The following ZEB2 variants were observed in gnomAD, a reference collection of about 807,000 sequenced individuals.
ZEB2 encodes zinc finger E-box binding homeobox 2, also known as zinc finger E-box-binding homeobox 2.
Under a neutral mutation model 99.9 loss-of-function variants are expected in ZEB2, and 6 were observed. The observed-to-expected ratio is 0.06, with a 90% CI of 0.03 to 0.12. The LOEUF (loss-of-function observed/expected upper bound fraction) is 0.12. ZEB2 is among the 10% of genes least tolerant of loss of function. The pLI is 1.00. For synonymous variants in ZEB2, 517 were observed against 542.5 expected, an observed-to-expected ratio of 0.95 and a Z score of 0.65; for missense variants, 969 against 1,502.8, an observed-to-expected ratio of 0.64 and a Z score of 5.87.
chr2:144,387,645 G>T lies in ZEB2; in HGVS notation c.*1806C>A, dbSNP rs1703103084. The T allele has an allele frequency of 6.6e-6, 1 of 152,138 alleles. No homozygotes were observed. Among genetic ancestry groups the T allele is most frequent in the Non-Finnish European group, 1.5e-5 (1 of 67,994 alleles). 9.4% of individuals were successfully genotyped at this position (152,138 alleles called of 1,614,324 possible). The stretch of plus-strand genomic sequence containing the variant: ...AACACTGAATAATAGCTGTCTTTTT[G>T]AAATTAGACTTTTTTTTGAATAAAT... On this transcript the variant is annotated 3_prime_UTR_variant, in exon 10 of 10. Coordinates refer to ENST00000627532, the MANE Select transcript of ZEB2 (RefSeq NM_014795.4).
intron 4 of ZEB2, among the ~76,000 whole-genome samples, chr2:144,406,126 T>C (rs1703383232): frequency 6.6e-6 from 1 of 152,214 alleles, no homozygotes; most frequent in South Asian, 2.1e-4. Flanking sequence ...CTAATTCTCT[T>C]TGGCAACTGT....
At chr2:144,467,280 C>T (rs779411602) in intron 2 of ZEB2, among the ~76,000 whole-genome samples, 1 of 151,998 alleles carries the variant, frequency 6.6e-6, no homozygotes, top group Admixed American at 6.6e-5. Flanking sequence ...TAAATTTTGC[C>T]TTTAAAACCC....
chr2:144,430,414 T>A, intron 2 of ZEB2: 4 of 275,752 alleles, frequency 1.5e-5, no homozygotes, highest in Non-Finnish European at 3.0e-5. Context: ...GTATTTACTA[T>A]ATAATGTTGT....
At chr2:144,400,402 A>G (rs1343842677) in intron 7 of ZEB2, 132 bp from the exon 8 acceptor site, 5 of 984,528 alleles carry the variant, frequency 5.1e-6, no homozygotes, top group African/African-American at 1.6e-5. Context: ...AGGTACTTAG[A>G]TTAGAATTAT....
Position 144,511,574 on chromosome 2 carries a change from G to C in ZEB2, c.73+5704C>G, listed in dbSNP as rs1434928694. ...AAACTGCTTGATGAAGAAATACTTG[G>C]ATCTTACTTTTTAAAAGTTTACCCT... On this transcript the variant is annotated intron_variant, in intron 2 of 9. Transcript: ENST00000627532. 8 of 1,279,772 alleles carry C rather than the reference G, an allele frequency of 6.3e-6. No homozygotes were observed. In the East Asian group the frequency reaches 3.9e-4, roughly 62 times the overall value. The allele number at this position is 1,279,772 out of a possible 1,614,324, so 79.3% of individuals were successfully genotyped here.
intron 2 of ZEB2, among the ~76,000 whole-genome samples, chr2:144,446,458 T>G (rs1486608256): frequency 6.6e-6 from 1 of 151,844 alleles, no homozygotes; most frequent in Non-Finnish European, 1.5e-5. Flanking sequence ...AGTGAGCAAT[T>G]AAGTCACGTA....
At chr2:144,483,148 A>ACACACACACACG (rs1704540683) in intron 2 of ZEB2, among the ~76,000 whole-genome samples, 2 of 144,006 alleles carry the variant, frequency 1.4e-5, no homozygotes, top group African/African-American at 5.1e-5. Context: ...ACACACACAC[A>ACACACACACACG]CACACACACA....
intron 2 of ZEB2, chr2:144,430,721 A>C (rs1432913578): frequency 6.3e-6 from 1 of 158,988 alleles, no homozygotes. Flanking sequence ...AGGCAAGACC[A>C]ACACAAATGT....
Position 144,422,859 on chromosome 2 carries a change from C to A in ZEB2, c.403+1937G>T, listed in dbSNP as rs543335888. On this transcript the variant is annotated intron_variant, in intron 4 of 9. Transcript: ENST00000627532. Reference sequence around the variant, plus strand: ...AAAAACTAAATAATTATGGCTCCTACCATTTGTTGCAGGTTTATCACATAT... The same window carrying A: ...AAAAACTAAATAATTATGGCTCCTAACATTTGTTGCAGGTTTATCACATAT... Among the ~76,000 whole-genome samples, 4 of 152,198 alleles carry A rather than the reference C, an allele frequency of 2.6e-5. No homozygotes were observed. The South Asian group carries it at 6.2e-4, about 24-fold the overall frequency.
chr2:144,481,309 T>C (rs1704507818), intron 2 of ZEB2, among the ~76,000 whole-genome samples: 1 of 152,210 alleles, frequency 6.6e-6, no homozygotes, highest in Non-Finnish European at 1.5e-5. Context: ...GAGGGCTGCA[T>C]GCTGTATGTG....
intron 4 of ZEB2, among the ~76,000 whole-genome samples, chr2:144,413,771 T>C (rs1429921449): frequency 2.0e-5 from 3 of 152,204 alleles, no homozygotes; most frequent in Non-Finnish European, 4.4e-5. Context: ...TTGATTAACA[T>C]TATATATCCA....
rs996979387 is a variant in ZEB2 at position 144,401,186 on chromosome 2, C to T, written c.916+13G>A. ...AAAATGCAAATGCGAGCTCCAGCAC[C>T]TCTGCTACTCACCACTGTGAATTCG... On this transcript the variant is annotated intron_variant, in intron 7 of 9. Transcript: ENST00000627532. 1.2e-6 allele frequency: 2 copies of T among 1,611,312 alleles called. No individual in the cohort carries two copies. Among genetic ancestry groups the T allele is most frequent in the Non-Finnish European group, 1.7e-6 (2 of 1,177,412 alleles).
intron 2 of ZEB2, among the ~76,000 whole-genome samples, chr2:144,469,969 C>T (rs1704332908): frequency 6.6e-6 from 1 of 152,160 alleles, no homozygotes; most frequent in African/African-American, 2.4e-5. Context: ...GCATCAGATA[C>T]AGAGACCAAA....
intron 4 of ZEB2, among the ~76,000 whole-genome samples, chr2:144,407,314 A>G (rs1450338413): frequency 6.6e-6 from 1 of 152,222 alleles, no homozygotes; most frequent in African/African-American, 2.4e-5. Flanking sequence ...AAGATTTTAT[A>G]CCTTGAAATT....
chr2:144,464,981 A>G (rs1403267793), intron 2 of ZEB2, among the ~76,000 whole-genome samples: 1 of 152,178 alleles, frequency 6.6e-6, no homozygotes, highest in Non-Finnish European at 1.5e-5. Context: ...ATGTACAGAA[A>G]TTGCTGGCCA....
chr2:144,420,871 A>G (rs756414785), intron 4 of ZEB2, among the ~76,000 whole-genome samples: 13 of 152,162 alleles, frequency 8.5e-5, no homozygotes, highest in Non-Finnish European at 1.6e-4. Context: ...ATTGGTATAC[A>G]ATGGATGGCA....
intron 3 of ZEB2, 163 bp downstream of exon 3, chr2:144,429,606 A>T: frequency 9.0e-7 from 1 of 1,106,546 alleles, no homozygotes; most frequent in South Asian, 1.4e-5. Context: ...TAACATTACT[A>T]TCACTTCATA....
At position 144,424,822 on chromosome 2, in the gene ZEB2, A is replaced by G. The variant is rs1172423244; in HGVS notation, c.377T>C (p.Ile126Thr). ...TGTACCATTGTTAATTGCGGTCTGG[A>G]TCGTGGCTTCTGGCCCCATAGTGTC... ...DYDTMGPEAT[I>T]QTAINNGTVK... The change falls in exon 4 of 10, where the codon ATC becomes ACC. Residue 126 changes from isoleucine (I) to threonine (T), a missense_variant. This residue lies in a region of ZEB2 where 173 missense variants were observed against 217.7 expected (regional missense o/e 0.79). Coordinates refer to ENST00000627532, the MANE Select transcript of ZEB2 (RefSeq NM_014795.4). 1.2e-6 allele frequency: 2 copies of G among 1,613,924 alleles called. No individual in the cohort carries two copies. Among genetic ancestry groups the G allele is most frequent in the Non-Finnish European group, 8.5e-7 (1 of 1,179,952 alleles).
intron 4 of ZEB2, among the ~76,000 whole-genome samples, chr2:144,416,386 A>AT (rs1703540752): frequency 2.0e-5 from 3 of 152,206 alleles, no homozygotes; most frequent in African/African-American, 7.2e-5. Flanking sequence ...GTTGCAGACT[A>AT]TGTTTTCAAA....
Sources: allele counts gnomAD v4.1 joint callset (sites outside exome capture counted in the v4.1 genomes callset), GRCh38; gene constraint gnomAD v4.1.1; regional missense constraint gnomAD v4.1.1; transcripts MANE v1.5; gene names NCBI Gene and HGNC (gene_info 2026-07-23, HGNC 2026-07-21).